TCF4: variants seen among roughly 807,000 people sequenced by gnomAD.
TCF4 encodes the protein transcription factor 4.
In TCF4, 3 loss-of-function variants were observed where a neutral mutation model predicts 82.1. That is an observed-to-expected ratio of 0.04 (90% CI 0.02 to 0.09). TCF4 has a LOEUF of 0.09. Ranked by LOEUF, TCF4 falls within the 10% of genes least tolerant of loss-of-function variation. The probability of loss-of-function intolerance (pLI) is 1.00; values close to 1 mark genes in which losing one functional copy is unlikely to be tolerated. For synonymous variants in TCF4, 276 were observed against 309.6 expected, an observed-to-expected ratio of 0.89 and a Z score of 1.14; for missense variants, 518 against 852.7, an observed-to-expected ratio of 0.61 and a Z score of 4.89.
chr18:55,473,474 C>A (rs1372771971), intron 3 of TCF4, among the ~76,000 whole-genome samples: 6 of 152,126 alleles, frequency 3.9e-5, no homozygotes, highest in Admixed American at 3.9e-4. Context: ...TTCAAAACTC[C>A]TCCCTAAAAT....
At chr18:55,244,264 CT>C (rs916722186) in intron 15 of TCF4, among the ~76,000 whole-genome samples, 2 of 152,152 alleles carry the variant, frequency 1.3e-5, no homozygotes, top group African/African-American at 4.8e-5. Context: ...TCTTTTCCCC[CT>C]TTCCCTTAGA....
chr18:55,301,011 C>G (rs952132517), intron 8 of TCF4, among the ~76,000 whole-genome samples: 3 of 152,094 alleles, frequency 2.0e-5, no homozygotes, highest in Non-Finnish European at 2.9e-5. Context: ...GGAATGACCC[C>G]CCTGGTCCCT....
rs184506671 is a variant in TCF4 at position 55,474,491 on chromosome 18, G to C, written c.146-10354C>G. Among the ~76,000 whole-genome samples, 15 of 152,086 alleles carry C rather than the reference G, an allele frequency of 9.9e-5. No homozygotes were observed. In the East Asian group the frequency reaches 2.9e-3, roughly 29 times the overall value. On this transcript the variant is annotated intron_variant, in intron 3 of 19. Transcript: ENST00000354452. ...CCACTCTTTCAATTCCAATTTTGAG[G>C]GTGTTTCTATTACTTATTTATTGGT...
intron 3 of TCF4, among the ~76,000 whole-genome samples, chr18:55,518,730 C>T (rs1311041685): frequency 6.6e-6 from 1 of 152,022 alleles, no homozygotes; most frequent in Non-Finnish European, 1.5e-5. Flanking sequence ...AGTAACATAA[C>T]AGTGTTTTTA....
chr18:55,348,052 T>C (rs1266687088), intron 8 of TCF4, among the ~76,000 whole-genome samples: 6 of 152,178 alleles, frequency 3.9e-5, no homozygotes, highest in African/African-American at 1.4e-4. Context: ...AATACAGATC[T>C]GCTACTAGAA....
At position 55,386,559 on chromosome 18, in the gene TCF4, C is replaced by A. The variant is rs2092623893; in HGVS notation, c.369+16895G>T. Among the ~76,000 whole-genome samples, 5 of 152,290 alleles carry A rather than the reference C, an allele frequency of 3.3e-5. No homozygotes were observed. The South Asian group carries it at 1.0e-3, about 32-fold the overall frequency. ...TACTAGTTTATTGACTACAACCTTT[C>A]ATTGTTAATTAAGAAAACAATGCTT... On this transcript the variant is annotated intron_variant, in intron 6 of 19. Coordinates refer to ENST00000354452, the MANE Select transcript of TCF4 (RefSeq NM_001083962.2).
At chr18:55,601,519 C>T (rs1603625220) in intron 2 of TCF4, among the ~76,000 whole-genome samples, 2 of 148,868 alleles carry the variant, frequency 1.3e-5, no homozygotes, top group South Asian at 4.2e-4. Context: ...TGCGGTGGCT[C>T]ACGCCTGTAA....
Position 55,461,088 on chromosome 18 carries a change from G to T in TCF4, c.235C>A (p.His79Asn). ...GACCCAAGGTCCCTGCTGGTCATGT[G>T]GTCATAGGGAGTCCCATCTCCATAG... Reference protein sequence around the residue: ...RNYGDGTPYDHMTSRDLGSHD... With the variant: ...RNYGDGTPYDNMTSRDLGSHD... Residue 79 changes from histidine to asparagine, a missense_variant, in exon 5 of 20, where the codon CAC becomes AAC. Coordinates refer to ENST00000354452, the MANE Select transcript of TCF4 (RefSeq NM_001083962.2). 6.2e-7 allele frequency: 1 copy of T among 1,613,180 alleles called. No individual in the cohort carries two copies. The highest frequency in any genetic ancestry group is 1.3e-5 in the African/African-American group (1 of 75,000).
chr18:55,417,456 T>C (rs1258825345), intron 5 of TCF4, among the ~76,000 whole-genome samples: 1 of 152,172 alleles, frequency 6.6e-6, no homozygotes, highest in Non-Finnish European at 1.5e-5. Context: ...GTAAAACTAG[T>C]TTTCAATATT....
intron 3 of TCF4, among the ~76,000 whole-genome samples, chr18:55,498,556 C>T (rs1056171942): frequency 1.8e-4 from 27 of 152,158 alleles, no homozygotes; most frequent in Admixed American, 5.2e-4. Context: ...CACAAGACTT[C>T]GCCATAAGAT....
rs1233055346 is a variant in TCF4, at chr18:55,260,011, T to G, written c.1007A>C (p.His336Pro). The change falls in exon 13 of 20, where the codon CAC becomes CCC. Residue 336 changes from histidine to proline, a missense_variant. Coordinates refer to ENST00000354452, the MANE Select transcript of TCF4 (RefSeq NM_001083962.2). ...KALASIYSPD[H>P]TNNSFSSNPS... ...GTTTGATGAAAAGCTGTTGTTAGTG[T>G]GATCTGGAGAATAGATCTTAAAACA... 1 of 1,612,542 alleles carries G rather than the reference T, an allele frequency of 6.2e-7. No homozygotes were observed. Among genetic ancestry groups the G allele is most frequent in the Non-Finnish European group, 8.5e-7 (1 of 1,178,856 alleles).
chr18:55,433,605 T>C (rs1215416619), intron 5 of TCF4, among the ~76,000 whole-genome samples: 3 of 152,374 alleles, frequency 2.0e-5, no homozygotes, highest in African/African-American at 7.2e-5. Flanking sequence ...TGATATGGAC[T>C]GAGAGACCAG....
chr18:55,391,741 T>C (rs2093118233), intron 6 of TCF4, among the ~76,000 whole-genome samples: 2 of 151,590 alleles, frequency 1.3e-5, no homozygotes, highest in South Asian at 4.2e-4. Context: ...GAGACCAGTC[T>C]GGCCAACATG....
chr18:55,476,961 T>G (rs745912266), intron 3 of TCF4, among the ~76,000 whole-genome samples: 6 of 152,048 alleles, frequency 3.9e-5, no homozygotes, highest in Non-Finnish European at 8.8e-5. Flanking sequence ...AAAATCAGCA[T>G]ACACACACAC....
chr18:55,367,342 C>T (rs1439139737), intron 6 of TCF4, among the ~76,000 whole-genome samples: 1 of 152,196 alleles, frequency 6.6e-6, no homozygotes, highest in Admixed American at 6.5e-5. Flanking sequence ...AACCTATCTG[C>T]CATCCTCCCT....
intron 11 of TCF4, among the ~76,000 whole-genome samples, chr18:55,262,931 T>G (rs1164838899): frequency 6.6e-6 from 1 of 151,996 alleles, no homozygotes. Flanking sequence ...CTCAGCCTCC[T>G]GAGTAGCTAG....
At chr18:55,611,110 A>G (rs1458372831) in intron 2 of TCF4, among the ~76,000 whole-genome samples, 1 of 152,194 alleles carries the variant, frequency 6.6e-6, no homozygotes, top group African/African-American at 2.4e-5. Flanking sequence ...ATTTTAATCC[A>G]CAGAGTCAAA....
At chr18:55,329,264 T>A (rs191620812) in intron 8 of TCF4, among the ~76,000 whole-genome samples, 1 of 152,258 alleles carries the variant, frequency 6.6e-6, no homozygotes, top group Admixed American at 6.5e-5. Context: ...GTTCTTTAAC[T>A]CAAAATAAAC....
At chr18:55,621,506 T>TATATATTATATA (rs1201751248) in intron 2 of TCF4, among the ~76,000 whole-genome samples, 183 of 456 alleles carry the variant, frequency 0.4, 39 homozygotes, top group South Asian at 1. Flanking sequence ...ATGTACATTA[T>TATATATTATATA]ATATATATTA....
Sources: allele counts gnomAD v4.1 joint callset (sites outside exome capture counted in the v4.1 genomes callset), GRCh38; gene constraint gnomAD v4.1.1; transcripts MANE v1.5; gene names NCBI Gene and HGNC (gene_info 2026-07-23, HGNC 2026-07-21).